The following TBC1D2 variants were observed in gnomAD, a reference collection of about 807,000 sequenced individuals.
The protein encoded by TBC1D2 is TBC1 domain family member 2, also known as TBC1 domain family member 2A.
A neutral mutation model predicts 91.1 loss-of-function variants in TBC1D2; 58 were observed. That is an observed-to-expected ratio of 0.64 (90% confidence interval 0.52 to 0.79). TBC1D2 has a LOEUF of 0.79. Ranked by LOEUF, TBC1D2 falls within the 30% of genes least tolerant of loss-of-function variation. The pLI is 0.00. For missense variants in TBC1D2, 1,080 were observed against 1,208.3 expected (o/e 0.89, Z 1.57); for synonymous variants, 482 against 511.5 (o/e 0.94, Z 0.78).
In TBC1D2 at chr9:98,208,747, A is replaced by G. The variant is rs748969446; in HGVS notation, c.2071T>C (p.Phe691Leu). Residue 691 changes from phenylalanine (F) to leucine (L), a missense_variant, in exon 9 of 13, where the codon TTC (phenylalanine) becomes CTC (leucine). Physicochemically the swap from Phe to Leu is conservative, Grantham distance 22 (BLOSUM62 0). Transcript: ENST00000465784. Reference protein sequence around the residue: ...NKHFTCPTSSFPDKLRRVLLA... With the variant: ...NKHFTCPTSSLPDKLRRVLLA... ...AGCACCCGGCGGAGCTTGTCGGGGA[A>G]GCTGGAGGTGGGGCAGGTGAAGTGT... 1.3e-6 allele frequency: 2 copies of G among 1,564,490 alleles called. No homozygotes were observed. The highest frequency in any genetic ancestry group is 2.4e-5 in the South Asian group (2 of 83,308).
intron 1 of TBC1D2, among the ~76,000 whole-genome samples, chr9:98,252,944 C>T (rs1248658814): frequency 1.3e-5 from 2 of 152,138 alleles, no homozygotes; most frequent in African/African-American, 4.8e-5. Context: ...CTCAGGCTGT[C>T]ACACAGGTAT....
At chr9:98,233,571 G>C in intron 3 of TBC1D2, 22 bp from the exon 4 acceptor site, 1 of 1,613,062 alleles carries the variant, frequency 6.2e-7, no homozygotes, top group Non-Finnish European at 8.5e-7. Flanking sequence ...CAAGAACAGA[G>C]GAGCATGAGG....
At chr9:98,217,034 T>G (rs758022417) in intron 6 of TBC1D2, among the ~76,000 whole-genome samples, 10 of 152,188 alleles carry the variant, frequency 6.6e-5, no homozygotes, top group Non-Finnish European at 1.2e-4. Flanking sequence ...AGAAGGCTTT[T>G]GTCACATAAG....
chr9:98,213,958 A>G (rs28930669), intron 6 of TBC1D2, among the ~76,000 whole-genome samples: 11,485 of 152,310 alleles, frequency 0.075, 487 homozygotes, highest in East Asian at 0.14. Flanking sequence ...CCAGACAAGC[A>G]CTGGGAAGGT....
intron 1 of TBC1D2, among the ~76,000 whole-genome samples, chr9:98,252,476 A>G (rs996302675): frequency 6.6e-6 from 1 of 152,246 alleles, no homozygotes; most frequent in South Asian, 2.1e-4. Context: ...GGCACCTTCC[A>G]GGTGCTCTGG....
At chr9:98,206,542 C>T (rs1454716702) in intron 9 of TBC1D2, among the ~76,000 whole-genome samples, 2 of 152,168 alleles carry the variant, frequency 1.3e-5, no homozygotes, top group East Asian at 3.9e-4. Flanking sequence ...ACAGGTTGAA[C>T]TCCAAAAGCA....
At chr9:98,248,638 C>T (rs1829813231) in intron 2 of TBC1D2, among the ~76,000 whole-genome samples, 1 of 152,218 alleles carries the variant, frequency 6.6e-6, no homozygotes, top group Admixed American at 6.5e-5. Flanking sequence ...GTCTCTTGAC[C>T]TCTTTGAGCC....
rs1158817220 is a variant in TBC1D2 at position 98,200,388 on chromosome 9, G to A, written c.2458-14C>T. On this transcript the variant is annotated splice_polypyrimidine_tract_variant and intron_variant, in intron 11 of 12. Coordinates refer to ENST00000465784, the MANE Select transcript of TBC1D2 (RefSeq NM_001267571.2). ...GCGAAACACCACCTGGGGGTAGAGT[G>A]GGGGCTCAGGTAGGGCATGGGGGGG... The A allele has an allele frequency of 6.3e-7, 1 of 1,589,540 alleles. No individual in the cohort carries two copies. Among genetic ancestry groups the A allele is most frequent in the Non-Finnish European group, 8.6e-7 (1 of 1,167,674 alleles).
rs546622822 is a variant in TBC1D2, at chr9:98,235,703, A to G, written c.648-2154T>C. On this transcript the variant is annotated intron_variant, in intron 3 of 12. Transcript: ENST00000465784. ...TTTTCAGAGTTTATTTCTCATGTGC[A>G]TTGCTGAAGATGTGTATCCCTAATC... 11 of 286,528 alleles carry G rather than the reference A, an allele frequency of 3.8e-5. 1 individual carries two copies. The highest frequency in any genetic ancestry group is 2.8e-4 in the South Asian group (9 of 32,590). The allele number at this position is 286,528 out of a possible 1,614,324, so 17.7% of individuals were successfully genotyped here.
At chr9:98,244,449 G>A (rs1027380397) in intron 2 of TBC1D2, among the ~76,000 whole-genome samples, 1 of 151,964 alleles carries the variant, frequency 6.6e-6, no homozygotes, top group African/African-American at 2.4e-5. Context: ...ACCTGAGGTG[G>A]GGAGTTAAGA....
chr9:98,242,767 G>A (rs889099514), intron 3 of TBC1D2, among the ~76,000 whole-genome samples: 8 of 148,446 alleles, frequency 5.4e-5, no homozygotes, highest in African/African-American at 2.0e-4. Flanking sequence ...TACAAACCCA[G>A]GCAGTTTGCT....
At chr9:98,241,815 G>A (rs1281791637) in intron 3 of TBC1D2, among the ~76,000 whole-genome samples, 1 of 152,092 alleles carries the variant, frequency 6.6e-6, no homozygotes, top group Non-Finnish European at 1.5e-5. Flanking sequence ...TCACCCTGGA[G>A]GGCTCAACCA....
chr9:98,234,435 A>G (rs990416210), intron 3 of TBC1D2, among the ~76,000 whole-genome samples: 2 of 152,200 alleles, frequency 1.3e-5, no homozygotes, highest in Admixed American at 1.3e-4. Flanking sequence ...AATGACAGGG[A>G]GGGAAAATGA....
chr9:98,216,122 C>A (rs1036908295), intron 6 of TBC1D2, among the ~76,000 whole-genome samples: 2 of 152,248 alleles, frequency 1.3e-5, no homozygotes, highest in Non-Finnish European at 2.9e-5. Context: ...AGTTACTTAA[C>A]CTCATCCTCT....
At chr9:98,212,354 T>C (rs1352624530) in intron 7 of TBC1D2, among the ~76,000 whole-genome samples, 1 of 152,122 alleles carries the variant, frequency 6.6e-6, no homozygotes, top group Non-Finnish European at 1.5e-5. Context: ...TACTATGCTG[T>C]CTCTTTTCCT....
At chr9:98,240,365 T>G (rs567198850) in intron 3 of TBC1D2, among the ~76,000 whole-genome samples, 1 of 152,216 alleles carries the variant, frequency 6.6e-6, no homozygotes, top group South Asian at 2.1e-4. Context: ...TGTCCTGTTA[T>G]AAGGAGAGCC....
At chr9:98,203,230 G>T in intron 10 of TBC1D2, 58 bp downstream of exon 10, 1 of 1,598,258 alleles carries the variant, frequency 6.3e-7, no homozygotes, top group South Asian at 1.1e-5. Context: ...AGGCTTCTAG[G>T]AACAGCTCTG....
At chr9:98,246,884 G>A (rs1829774495) in intron 2 of TBC1D2, among the ~76,000 whole-genome samples, 1 of 152,102 alleles carries the variant, frequency 6.6e-6, no homozygotes, top group Admixed American at 6.5e-5. Flanking sequence ...GTGGGTAAGT[G>A]GTTGGATCTC....
chr9:98,199,155 G>C lies in TBC1D2; in HGVS notation c.*226C>G, dbSNP rs1828412616. ...GTGCTCTGTGGAAGAGGTGACGAAA[G>C]GGTGGCATCCCTGGGTAAGTAAGTG... On this transcript the variant is annotated 3_prime_UTR_variant, in exon 13 of 13. Coordinates refer to ENST00000465784, the MANE Select transcript of TBC1D2 (RefSeq NM_001267571.2). 1 of 604,170 alleles carries C rather than the reference G, an allele frequency of 1.7e-6. No individual in the cohort carries two copies. The highest frequency in any genetic ancestry group is 1.9e-5 in the African/African-American group (1 of 53,946). The allele number at this position is 604,170 out of a possible 1,614,324, so 37.4% of individuals were successfully genotyped here. A position where few individuals can be genotyped will look rare whatever the true frequency, so the allele number is the denominator to read the frequency against.
Sources: gnomAD v4.1 joint callset for allele counts (sites outside exome capture counted in the v4.1 genomes callset) on GRCh38, gnomAD v4.1.1 for gene constraint, MANE v1.5 for transcripts, NCBI Gene and HGNC (gene_info 2026-07-23, HGNC 2026-07-21) for gene names.